The following GRAMD1B variants were observed in gnomAD, a reference collection of about 807,000 sequenced individuals.
The protein encoded by GRAMD1B is protein Aster-B.
A neutral mutation model predicts 99.7 loss-of-function variants in GRAMD1B; 37 were observed. The ratio of observed to expected loss-of-function variants is 0.37; its 90% confidence interval spans 0.29 to 0.49. The LOEUF is 0.49. Among genes scored for constraint, GRAMD1B ranks in the 20% least tolerant of loss-of-function variants. GRAMD1B has a pLI of 0.98. For synonymous variants in GRAMD1B, 427 were observed against 387.6 expected, an observed-to-expected ratio of 1.10 and a Z score of -1.19; for missense variants, 888 against 1,009.2, an observed-to-expected ratio of 0.88 and a Z score of 1.63.
rs748547820 is a variant in GRAMD1B, at chr11:123,623,735, G to A, written c.*1140G>A. The A allele has an allele frequency of 6.6e-6, 1 of 152,236 alleles. No individual in the cohort carries two copies. The highest frequency in any genetic ancestry group is 1.5e-5 in the Non-Finnish European group (1 of 68,052). 9.4% of individuals were successfully genotyped at this position (152,236 alleles called of 1,614,324 possible). On this transcript the variant is annotated 3_prime_UTR_variant, in exon 20 of 20. Coordinates refer to ENST00000635736, the MANE Select transcript of GRAMD1B (RefSeq NM_001387025.1). ...CTGAGACAGTTTGCACATAGAAAAA[G>A]CATCTGAGCCACTGGAGGGAAGGAT...
chr11:123,482,546 A>G (rs1164497987), intron 2 of GRAMD1B, among the ~76,000 whole-genome samples: 2 of 152,246 alleles, frequency 1.3e-5, no homozygotes, highest in Non-Finnish European at 2.9e-5. Context: ...TGCCAGCCAA[A>G]TATGAAACAA....
At chr11:123,507,853 G>A (rs1940589668) in intron 2 of GRAMD1B, among the ~76,000 whole-genome samples, 1 of 152,110 alleles carries the variant, frequency 6.6e-6, no homozygotes, top group African/African-American at 2.4e-5. Flanking sequence ...GCAGGACTTG[G>A]GTGCAGATTG....
At chr11:123,415,607 T>C (rs1375953207) in intron 1 of GRAMD1B, among the ~76,000 whole-genome samples, 24 of 152,114 alleles carry the variant, frequency 1.6e-4, no homozygotes, top group Non-Finnish European at 1.5e-5. Flanking sequence ...GTCTTTGATC[T>C]GGGTAGCATG....
chr11:123,609,786 T>C lies in GRAMD1B; in HGVS notation c.1658-9T>C, dbSNP rs1953290139. 2 of 1,476,382 alleles carry C rather than the reference T, an allele frequency of 1.4e-6. No homozygotes were observed. Among genetic ancestry groups the C allele is most frequent in the Non-Finnish European group, 1.9e-6 (2 of 1,067,984 alleles). 91.5% of individuals were successfully genotyped at this position (1,476,382 alleles called of 1,614,324 possible). On this transcript the variant is annotated splice_polypyrimidine_tract_variant and intron_variant, in intron 12 of 19. Coordinates refer to ENST00000635736, the MANE Select transcript of GRAMD1B (RefSeq NM_001387025.1). ...CCTTCCTCATTCCAGGGCTCTCCTCTACCCTTAGATATCATCTTCCATCCA... is the reference window on the plus strand; with the variant it reads ...CCTTCCTCATTCCAGGGCTCTCCTCCACCCTTAGATATCATCTTCCATCCA...
intron 1 of GRAMD1B, among the ~76,000 whole-genome samples, chr11:123,376,035 C>T (rs1946680751): frequency 6.6e-6 from 1 of 151,908 alleles, no homozygotes; most frequent in Non-Finnish European, 1.5e-5. Flanking sequence ...CTTAACTTCA[C>T]AGTTACGCAC....
rs566225131 is a variant in GRAMD1B at position 123,477,758 on chromosome 11, C to G, written c.375-3058C>G. On this transcript the variant is annotated intron_variant, in intron 1 of 19. Transcript: ENST00000635736. ...CCCTTCCCTTTCCTTTTCCCTTTCC[C>G]TTTTCCTTCCCTTTTCTTCTCTTTT... Among the ~76,000 whole-genome samples, 18 of 140,866 alleles carry G rather than the reference C, an allele frequency of 1.3e-4. No homozygotes were observed. In the South Asian group the frequency reaches 4.3e-3, roughly 34 times the overall value. 92.4% of individuals were successfully genotyped at this position (140,866 alleles called of 152,430 possible).
chr11:123,613,226 G>C, intron 15 of GRAMD1B: 1 of 577,228 alleles, frequency 1.7e-6, no homozygotes, highest in Non-Finnish European at 3.1e-6. Context: ...GTATACATGA[G>C]GGTGCAGATA....
intron 1 of GRAMD1B, among the ~76,000 whole-genome samples, chr11:123,364,904 T>A (rs7934778): frequency 0.12 from 18,236 of 152,126 alleles, 2,020 homozygotes; most frequent in African/African-American, 0.29. Flanking sequence ...TTATACAAAG[T>A]CTTTCATTTT....
In GRAMD1B at chr11:123,370,337, CTT is replaced by C. The variant is rs1163332610; in HGVS notation, c.-176+11558_-176+11559del. On this transcript the variant is annotated intron_variant, in intron 1 of 20. Coordinates refer to the GRAMD1B transcript ENST00000638157. ...TCTAAAAAAAAAAAAGAAGTTATCT[CTT>C]TTTTTTTTTTTTTTTTTTTGAGACA... Among the ~76,000 whole-genome samples the C allele has an allele frequency of 1.7e-3, 177 of 102,812 alleles. 2 individuals are homozygous for C. Among genetic ancestry groups the C allele is most frequent in the African/African-American group, 4.9e-3 (103 of 20,946 alleles). 67.4% of individuals were successfully genotyped at this position (102,812 alleles called of 152,430 possible).
At chr11:123,488,306 G>T (rs1361025493) in intron 2 of GRAMD1B, among the ~76,000 whole-genome samples, 2 of 152,154 alleles carry the variant, frequency 1.3e-5, no homozygotes, top group Non-Finnish European at 2.9e-5. Context: ...AAATATTCTT[G>T]TGAGAAAAAT....
intron 1 of GRAMD1B, among the ~76,000 whole-genome samples, chr11:123,362,478 C>T (rs756680569): frequency 1.3e-5 from 2 of 152,136 alleles, no homozygotes; most frequent in Non-Finnish European, 2.9e-5. Flanking sequence ...TGGGGGTGGC[C>T]ATGGACTTCA....
At chr11:123,496,008 G>T (rs1187645871) in intron 2 of GRAMD1B, among the ~76,000 whole-genome samples, 1 of 152,086 alleles carries the variant, frequency 6.6e-6, no homozygotes. Flanking sequence ...CACAATTACA[G>T]TGATATAATA....
intron 10 of GRAMD1B, 97 bp downstream of exon 10, chr11:123,605,575 G>A: frequency 2.1e-6 from 2 of 964,708 alleles, no homozygotes; most frequent in South Asian, 3.6e-5. Context: ...CAGGTAGAGA[G>A]GAGATTGGTT....
chr11:123,466,249 G>A (rs1250002932), intron 1 of GRAMD1B, among the ~76,000 whole-genome samples: 2 of 151,144 alleles, frequency 1.3e-5, no homozygotes, highest in African/African-American at 2.4e-5. Context: ...GCACTCCAGC[G>A]TGGGTGACAG....
chr11:123,446,637 T>G (rs1949657976), intron 1 of GRAMD1B, among the ~76,000 whole-genome samples: 1 of 152,202 alleles, frequency 6.6e-6, no homozygotes. Flanking sequence ...GATTGCTTCT[T>G]AAAATGCCTT....
chr11:123,469,739 CTCTTTCTT>C (rs61621168), intron 1 of GRAMD1B, among the ~76,000 whole-genome samples: 10 of 141,054 alleles, frequency 7.1e-5, no homozygotes, highest in Non-Finnish European at 1.5e-4. Context: ...TTCTTTCTTT[CTCTTTCTT>C]TCTTTCTTTC....
intron 1 of GRAMD1B, among the ~76,000 whole-genome samples, chr11:123,433,941 AT>A (rs1384206409): frequency 5.3e-5 from 8 of 152,046 alleles, no homozygotes; most frequent in African/African-American, 1.9e-4. Flanking sequence ...AGAAGAACCT[AT>A]GTATCAGCCG....
chr11:123,494,148 C>T (rs1938932947), intron 2 of GRAMD1B, among the ~76,000 whole-genome samples: 1 of 152,196 alleles, frequency 6.6e-6, no homozygotes, highest in Non-Finnish European at 1.5e-5. Context: ...CATAATCATA[C>T]TTAACTACTT....
chr11:123,412,754 C>T (rs925789431), intron 1 of GRAMD1B, among the ~76,000 whole-genome samples: 4 of 143,664 alleles, frequency 2.8e-5, no homozygotes, highest in African/African-American at 1.1e-4. Context: ...ACCCATATGC[C>T]CTCTCTTCAT....
Sources: gnomAD v4.1 joint callset for allele counts (sites outside exome capture counted in the v4.1 genomes callset) on GRCh38, gnomAD v4.1.1 for gene constraint, MANE v1.5 for transcripts, NCBI Gene and HGNC (gene_info 2026-07-23, HGNC 2026-07-21) for gene names.